INO80: variants seen among roughly 807,000 people sequenced by gnomAD.
INO80 encodes chromatin-remodeling ATPase INO80.
In INO80, 20 loss-of-function variants were observed where a neutral mutation model predicts 203.4. The observed-to-expected ratio is 0.10, with a 90% confidence interval of 0.07 to 0.14. The LOEUF (loss-of-function observed/expected upper bound fraction) is 0.14, where lower values mean the gene tolerates loss of function less well. Ranked by LOEUF, INO80 falls within the 10% of genes least tolerant of loss-of-function variation. INO80 has a pLI of 1.00. For synonymous variants in INO80, 726 were observed against 685.2 expected, an observed-to-expected ratio of 1.06 and a Z score of -0.93; for missense variants, 1,419 against 1,914.4, an observed-to-expected ratio of 0.74 and a Z score of 4.83.
intron 27 of INO80, chr15:41,013,226 C>A (rs1285321478): frequency 2.0e-5 from 3 of 152,230 alleles, no homozygotes; most frequent in Admixed American, 6.5e-5. Flanking sequence ...GGAAGCATTT[C>A]TTTCTCTCTT....
At chr15:41,076,351 C>G (rs752606055) in intron 9 of INO80, among the ~76,000 whole-genome samples, 2 of 150,514 alleles carry the variant, frequency 1.3e-5, no homozygotes, top group South Asian at 2.1e-4. Flanking sequence ...CAGAGCAAGA[C>G]TCTGTCTCAA....
In INO80 at chr15:40,984,287, A is replaced by G. The variant is rs1011632483; in HGVS notation, c.3987T>C (p.Phe1329=). 3 of 1,614,046 alleles carry G rather than the reference A, an allele frequency of 1.9e-6. No individual in the cohort carries two copies. In the African/African-American group the frequency reaches 4.0e-5, roughly 22 times the overall value. The stretch of plus-strand genomic sequence containing the variant: ...GGTTGGAGTTATCAGCCGAGGGAAC[A>G]AATGGGATCACCAGGTTCACACCCT... ...RKEGVNLVIP[F]VPSADNSNLS... is the part of the protein sequence containing the mutation. Residue 1329 remains phenylalanine (F), a synonymous_variant, in exon 33 of 36, where the codon TTT becomes TTC. Coordinates refer to ENST00000648947, the MANE Select transcript of INO80 (RefSeq NM_017553.3).
intron 7 of INO80, among the ~76,000 whole-genome samples, chr15:41,084,050 C>T (rs904057899): frequency 7.2e-5 from 11 of 151,980 alleles, no homozygotes. Context: ...TAAAATATCC[C>T]GTTTCTAAAA....
intron 1 of INO80, among the ~76,000 whole-genome samples, chr15:41,104,533 ATTTCT>A (rs776904447): frequency 7.9e-5 from 12 of 151,716 alleles, no homozygotes; most frequent in South Asian, 6.2e-4. Flanking sequence ...CCAGGCCCTT[ATTTCT>A]TTTCTTTTCT....
chr15:41,016,565 C>T (rs2044213976), intron 26 of INO80, among the ~76,000 whole-genome samples: 1 of 152,192 alleles, frequency 6.6e-6, no homozygotes, highest in South Asian at 2.1e-4. Flanking sequence ...TGTTAAGTGA[C>T]CTGAAAATTT....
chr15:41,079,565 C>CG, intron 9 of INO80, 136 bp downstream of exon 9: 2 of 786,986 alleles, frequency 2.5e-6, no homozygotes, highest in Middle Eastern at 2.8e-4. Context: ...GGAGAAACCG[C>CG]ATCTCTACCA....
intron 29 of INO80, among the ~76,000 whole-genome samples, chr15:40,995,955 G>A (rs960946683): frequency 3.3e-5 from 5 of 152,100 alleles, no homozygotes; most frequent in Non-Finnish European, 7.4e-5. Flanking sequence ...ACGTCTTGCC[G>A]TACCTGGTTA....
intron 14 of INO80, among the ~76,000 whole-genome samples, chr15:41,061,748 A>T (rs552724754): frequency 1.3e-5 from 2 of 152,200 alleles, no homozygotes; most frequent in Non-Finnish European, 2.9e-5. Flanking sequence ...AAAGAATCAA[A>T]GCGAATTTTT....
At chr15:41,048,668 AT>A (rs2044810754) in intron 21 of INO80, among the ~76,000 whole-genome samples, 1 of 152,216 alleles carries the variant, frequency 6.6e-6, no homozygotes, top group Non-Finnish European at 1.5e-5. Context: ...TTTCAGTTTC[AT>A]TAAACTAAAT....
intron 24 of INO80, among the ~76,000 whole-genome samples, chr15:41,039,851 T>G (rs923292586): frequency 6.6e-6 from 1 of 152,206 alleles, no homozygotes; most frequent in African/African-American, 2.4e-5. Flanking sequence ...ACTGCTCACA[T>G]CGGTGGTTTC....
chr15:41,104,356 T>C (rs939429127), intron 1 of INO80, among the ~76,000 whole-genome samples: 1 of 152,148 alleles, frequency 6.6e-6, no homozygotes, highest in Non-Finnish European at 1.5e-5. Context: ...CCCTGAACTC[T>C]GGCTCATTAT....
intron 1 of INO80, among the ~76,000 whole-genome samples, chr15:41,110,556 G>A (rs529227299): frequency 6.6e-6 from 1 of 151,280 alleles, no homozygotes; most frequent in South Asian, 2.1e-4. Flanking sequence ...CTCCCATTTC[G>A]GCCTCCAGAG....
chr15:41,023,272 T>C (rs780646455), intron 25 of INO80: 2 of 456,004 alleles, frequency 4.4e-6, no homozygotes, highest in Non-Finnish European at 8.8e-6. Context: ...CTCCCTTCTA[T>C]GACTTGACAT....
intron 28 of INO80, among the ~76,000 whole-genome samples, chr15:41,003,833 A>G (rs2043999844): frequency 6.6e-6 from 1 of 152,172 alleles, no homozygotes; most frequent in Non-Finnish European, 1.5e-5. Flanking sequence ...CATAATTCAC[A>G]AAGCATGCCA....
chr15:41,099,264 AAAAC>A (rs1399037951), intron 1 of INO80, among the ~76,000 whole-genome samples: 8 of 128,122 alleles, frequency 6.2e-5, no homozygotes, highest in African/African-American at 2.3e-4. Flanking sequence ...AAAAAAAAAA[AAAAC>A]AAACACACAC....
At chr15:41,034,479 CAA>C (rs1026775469) in intron 24 of INO80, among the ~76,000 whole-genome samples, 44 of 152,268 alleles carry the variant, frequency 2.9e-4, no homozygotes, top group African/African-American at 9.9e-4. Flanking sequence ...GGAAGAAAAA[CAA>C]AGTCTTTACC....
chr15:40,992,530 T>C (rs1180174766), intron 29 of INO80, among the ~76,000 whole-genome samples: 1 of 152,230 alleles, frequency 6.6e-6, no homozygotes, highest in Non-Finnish European at 1.5e-5. Context: ...TTGATTAATC[T>C]CTTCCTTGTC....
chr15:41,100,616 A>G (rs1411315394), intron 1 of INO80, among the ~76,000 whole-genome samples: 2 of 152,068 alleles, frequency 1.3e-5, no homozygotes, highest in African/African-American at 2.4e-5. Flanking sequence ...CCACAATACC[A>G]CCAAAAAAAG....
At position 41,087,499 on chromosome 15, in the gene INO80, T is replaced by C. The variant is rs1053453039; in HGVS notation, c.658+63A>G. The stretch of plus-strand genomic sequence containing the variant: ...TATATATAAAGTCCAAATGCACCAG[T>C]AGGCCACATGCAATTCTGAAACTAA... On this transcript the variant is annotated intron_variant, in intron 6 of 35. Transcript: ENST00000648947. 6 of 1,569,186 alleles carry C rather than the reference T, an allele frequency of 3.8e-6. No homozygotes were observed. The African/African-American group carries it at 5.4e-5, about 14-fold the overall frequency.
Sources: allele counts gnomAD v4.1 joint callset (sites outside exome capture counted in the v4.1 genomes callset), GRCh38; gene constraint gnomAD v4.1.1; transcripts MANE v1.5; gene names NCBI Gene and HGNC (gene_info 2026-07-23, HGNC 2026-07-21).